LRRTM4: variants seen among roughly 807,000 people sequenced by gnomAD.
LRRTM4 encodes the protein leucine rich repeat transmembrane neuronal 4.
LRRTM4 carries 25 observed loss-of-function variants against 47.6 expected under a neutral mutation model. The observed-to-expected ratio is 0.53, with a 90% CI of 0.38 to 0.73. The LOEUF (loss-of-function observed/expected upper bound fraction) is 0.73, where lower values mean the gene tolerates loss of function less well. Among genes scored for constraint, LRRTM4 ranks in the 30% least tolerant of loss-of-function variants. LRRTM4 has a pLI of 0.00. For missense variants in LRRTM4, 638 were observed against 713.4 expected (o/e 0.89, Z 1.20); for synonymous variants, 311 against 269.5 (o/e 1.15, Z -1.51).
At chr2:77,031,254 A>G (rs1053675454) in intron 3 of LRRTM4, among the ~76,000 whole-genome samples, 2 of 152,062 alleles carry the variant, frequency 1.3e-5, no homozygotes, top group South Asian at 4.1e-4. Context: ...TGTACTATGC[A>G]TTAATTTTTC....
Position 77,519,472 on chromosome 2 carries a change from G to A in LRRTM4, c.397C>T (p.Pro133Ser). 2 of 1,613,480 alleles carry A rather than the reference G, an allele frequency of 1.2e-6. No individual in the cohort carries two copies. Among genetic ancestry groups the A allele is most frequent in the Non-Finnish European group, 1.7e-6 (2 of 1,179,640 alleles). ...YLHNKTFHPV[P>S]NLRNLDLSYN... is the part of the protein sequence containing the mutation. ...GAGAGGTCCAGATTGCGGAGATTGGGAACTGGGTGAAATGTTTTATTGTGC... is the reference window on the plus strand; with the variant it reads ...GAGAGGTCCAGATTGCGGAGATTGGAAACTGGGTGAAATGTTTTATTGTGC... The change falls in exon 3 of 4, where the codon CCC becomes TCC. Residue 133 changes from proline (P) to serine (S), a missense_variant. Transcript: ENST00000409884. The surrounding 1 kb of genome is among the most constrained non-coding windows in gnomAD (Gnocchi z 4.6).
At chr2:76,931,424 C>T (rs907716814) in intron 3 of LRRTM4, among the ~76,000 whole-genome samples, 1 of 152,118 alleles carries the variant, frequency 6.6e-6, no homozygotes, top group Non-Finnish European at 1.5e-5. Flanking sequence ...CTGCTTTGAC[C>T]TTGGGTTGTA....
rs571227687 is a variant in LRRTM4, at chr2:77,306,390, T to G, written c.1551+211928A>C. On this transcript the variant is annotated intron_variant, in intron 3 of 3. Coordinates refer to ENST00000409884, the MANE Select transcript of LRRTM4 (RefSeq NM_001134745.3). The stretch of plus-strand genomic sequence containing the variant: ...CTCCTTGCAATAGCTCTACTGCAAC[T>G]TAGCATGGCTTTTGGATATTGCTGA... Among the ~76,000 whole-genome samples the G allele has an allele frequency of 1.6e-3, 251 of 152,318 alleles. 6 individuals carry two copies. Among genetic ancestry groups the G allele is most frequent in the South Asian group, 3.9e-3 (19 of 4,824 alleles).
At position 76,877,895 on chromosome 2, in the gene LRRTM4, G is replaced by A. The variant is rs1052595883; in HGVS notation, c.1552-128979C>T. Among the ~76,000 whole-genome samples the A allele has an allele frequency of 6.1e-5, 9 of 148,030 alleles. No individual in the cohort carries two copies. In the East Asian group the frequency reaches 1.2e-3, roughly 20 times the overall value. On this transcript the variant is annotated intron_variant, in intron 3 of 3. Coordinates refer to ENST00000409884, the MANE Select transcript of LRRTM4 (RefSeq NM_001134745.3). ...AACAGGTATTCCAGAAAGAGAGAAC[G>A]AAAAAATAAGAAAGAAGAAGGAAAA...
chr2:77,277,422 T>C (rs1227526079), intron 3 of LRRTM4, among the ~76,000 whole-genome samples: 3 of 152,012 alleles, frequency 2.0e-5, no homozygotes, highest in Non-Finnish European at 2.9e-5. Flanking sequence ...TATAGAGTTA[T>C]AAAAAATAGA....
At chr2:77,380,244 C>T (rs1438147583) in intron 3 of LRRTM4, among the ~76,000 whole-genome samples, 2 of 152,008 alleles carry the variant, frequency 1.3e-5, no homozygotes, top group African/African-American at 2.4e-5. Flanking sequence ...ACTTTTAAAA[C>T]ACTATTAAGT....
intron 3 of LRRTM4, among the ~76,000 whole-genome samples, chr2:76,779,964 C>G (rs1440772506): frequency 6.6e-6 from 1 of 151,940 alleles, no homozygotes; most frequent in Non-Finnish European, 1.5e-5. Context: ...CTGGTGGTGA[C>G]AAAATCTCTC....
At chr2:76,891,909 A>G (rs17013293) in intron 3 of LRRTM4, among the ~76,000 whole-genome samples, 12,271 of 151,762 alleles carry the variant, frequency 0.081, 892 homozygotes, top group East Asian at 0.38. Flanking sequence ...TCAAAATAAA[A>G]TCGAGAAGAA....
chr2:77,190,801 A>C (rs1394692868), intron 3 of LRRTM4, among the ~76,000 whole-genome samples: 4 of 152,194 alleles, frequency 2.6e-5, no homozygotes, highest in African/African-American at 9.7e-5. Flanking sequence ...GGCTCACTGA[A>C]GTTATGGAAA....
chr2:77,021,032 A>C lies in LRRTM4; in HGVS notation c.1552-272116T>G, dbSNP rs185588720. ...ATGAAGGTATATAACTCAGTTTTTCAGTTTGTGGGTCCCTGGAACAATAAG... is the reference window on the plus strand; with the variant it reads ...ATGAAGGTATATAACTCAGTTTTTCCGTTTGTGGGTCCCTGGAACAATAAG... On this transcript the variant is annotated intron_variant, in intron 3 of 3. Transcript: ENST00000409884. Among the ~76,000 whole-genome samples the C allele has an allele frequency of 3.0e-3, 449 of 152,194 alleles. 6 individuals carry two copies. Among genetic ancestry groups the C allele is most frequent in the African/African-American group, 9.4e-3 (390 of 41,534 alleles).
intron 3 of LRRTM4, among the ~76,000 whole-genome samples, chr2:76,777,349 C>A (rs1420940626): frequency 1.4e-5 from 2 of 141,804 alleles, no homozygotes; most frequent in Non-Finnish European, 3.1e-5. Context: ...TTACCTTGGG[C>A]AGTATGGCCA....
intron 3 of LRRTM4, among the ~76,000 whole-genome samples, chr2:77,472,493 T>G (rs60300150): frequency 0.23 from 35,381 of 151,854 alleles, 4,691 homozygotes; most frequent in East Asian, 0.4. Flanking sequence ...ATAACTACCA[T>G]GAATCAGATT....
Position 77,128,057 on chromosome 2 carries a change from T to G in LRRTM4, c.1552-379141A>C, listed in dbSNP as rs188836742. Among the ~76,000 whole-genome samples, 898 of 151,666 alleles carry G rather than the reference T, an allele frequency of 5.9e-3. 10 individuals carry two copies. Among genetic ancestry groups the G allele is most frequent in the African/African-American group, 0.021 (852 of 41,310 alleles). ...ACTCAGGAGGCTGAGGCAGGAGAAT[T>G]GCTTGAACCCAGGAGGCAGAGGTTG... is the stretch of plus-strand genomic sequence containing the variant. On this transcript the variant is annotated intron_variant, in intron 3 of 3. Coordinates refer to ENST00000409884, the MANE Select transcript of LRRTM4 (RefSeq NM_001134745.3).
intron 3 of LRRTM4, among the ~76,000 whole-genome samples, chr2:76,753,828 G>A (rs952884060): frequency 2.5e-4 from 38 of 152,098 alleles, no homozygotes; most frequent in Non-Finnish European, 1.5e-5. Context: ...GATTGTGAAA[G>A]GCTTTTGAAG....
intron 3 of LRRTM4, among the ~76,000 whole-genome samples, chr2:77,473,918 AT>A (rs1356903981): frequency 6.6e-6 from 1 of 152,082 alleles, no homozygotes; most frequent in East Asian, 1.9e-4. Flanking sequence ...ACGAATAACC[AT>A]TTGCTCAATT....
intron 3 of LRRTM4, among the ~76,000 whole-genome samples, chr2:77,061,635 G>A (rs1679788162): frequency 1.3e-5 from 2 of 152,046 alleles, no homozygotes; most frequent in South Asian, 2.1e-4. Context: ...TTTCATATTA[G>A]TAGAAAATAT....
At chr2:77,023,154 T>C (rs1000974626) in intron 3 of LRRTM4, among the ~76,000 whole-genome samples, 4 of 152,218 alleles carry the variant, frequency 2.6e-5, no homozygotes, top group Admixed American at 1.3e-4. Context: ...TTTGCACCCT[T>C]TGAAGCCACA....
Position 77,138,895 on chromosome 2 carries a change from C to A in LRRTM4, c.1551+379423G>T, listed in dbSNP as rs376029632. On this transcript the variant is annotated intron_variant, in intron 3 of 3. Coordinates refer to ENST00000409884, the MANE Select transcript of LRRTM4 (RefSeq NM_001134745.3). The stretch of plus-strand genomic sequence containing the variant: ...TAGAAGAAATGGATAAATTCCTGGA[C>A]ACATATATACTCCCAAGACTAAACC... Among the ~76,000 whole-genome samples the A allele has an allele frequency of 1.5e-3, 221 of 152,212 alleles. 2 individuals carry two copies. In the Middle Eastern group the frequency reaches 0.017, roughly 12 times the overall value.
intron 3 of LRRTM4, among the ~76,000 whole-genome samples, chr2:77,099,567 G>C (rs1558579708): frequency 1.3e-5 from 2 of 152,016 alleles, no homozygotes; most frequent in East Asian, 3.9e-4. Context: ...GTGGTATCTA[G>C]GACAACTTCA....
Sources: gnomAD v4.1 joint callset for allele counts (sites outside exome capture counted in the v4.1 genomes callset) on GRCh38, gnomAD v4.1.1 for gene constraint, Gnocchi (gnomAD v3.1) non-coding constraint, MANE v1.5 for transcripts, NCBI Gene and HGNC (gene_info 2026-07-23, HGNC 2026-07-21) for gene names.